Variants in AGPAT4 observed in about 807,000 individuals in gnomAD.
The protein encoded by AGPAT4 is 1-acyl-sn-glycerol-3-phosphate acyltransferase delta.
Under a neutral mutation model 48.0 loss-of-function variants are expected in AGPAT4, and 15 were observed. The ratio of observed to expected loss-of-function variants is 0.31; its 90% CI spans 0.21 to 0.48. The LOEUF is 0.48. AGPAT4 is among the 20% of genes least tolerant of loss of function. AGPAT4 has a pLI of 0.99. For missense variants in AGPAT4, 314 were observed against 482.5 expected (o/e 0.65, Z 3.27); for synonymous variants, 178 against 198.7 (o/e 0.90, Z 0.88).
rs71004032 is a variant in AGPAT4 at position 161,205,761 on chromosome 6, T to TAATAATAATAATAATAAC, written c.178+26274_178+26275insGTTATTATTATTATTATT. Among the ~76,000 whole-genome samples, 749 of 149,104 alleles carry TAATAATAATAATAATAAC rather than the reference T, an allele frequency of 5.0e-3. 9 individuals carry two copies. Among genetic ancestry groups the TAATAATAATAATAATAAC allele is most frequent in the African/African-American group, 0.017 (692 of 40,252 alleles). On this transcript the variant is annotated intron_variant, in intron 2 of 8. Transcript: ENST00000320285. ...ACAATAATAATAATAATAATAATAATAACAACAAACATGCCAACATAAAAC... is the reference window on the plus strand; with the variant it reads ...ACAATAATAATAATAATAATAATAATAATAATAATAATAATAACAACAACAAACATGCCAACATAAAAC...
chr6:161,172,001 T>C (rs1393229020), intron 2 of AGPAT4, among the ~76,000 whole-genome samples: 4 of 152,196 alleles, frequency 2.6e-5, no homozygotes, highest in African/African-American at 7.2e-5. Flanking sequence ...CCTTCTTGTC[T>C]AGGCATCCAA....
rs1014850348 is a variant in AGPAT4 at position 161,135,446 on chromosome 6, A to C, written c.*1094T>G. On this transcript the variant is annotated 3_prime_UTR_variant, in exon 9 of 9. Transcript: ENST00000320285. ...GCCGCTGGAGATGCTACAGGGCAGA[A>C]CTATTCCGTGGAGTAAAATGGGAGC... 6.6e-6 allele frequency: 1 copy of C among 152,244 alleles called. No individual in the cohort carries two copies. The highest frequency in any genetic ancestry group is 1.5e-5 in the Non-Finnish European group (1 of 68,052). 9.4% of individuals were successfully genotyped at this position (152,244 alleles called of 1,614,324 possible).
Position 161,159,003 on chromosome 6 carries a change from T to C in AGPAT4, c.349-4693A>G, listed in dbSNP as rs571138621. Among the ~76,000 whole-genome samples, 2 of 152,354 alleles carry C rather than the reference T, an allele frequency of 1.3e-5. No individual in the cohort carries two copies. The highest frequency in any genetic ancestry group is 1.3e-4 in the Admixed American group (2 of 15,302). Reference sequence around the variant, plus strand: ...GTCAAGTGAGCCAAGGTCATTTATTTCTACTAAATATATAAAATGAGGTAT... The same window carrying C: ...GTCAAGTGAGCCAAGGTCATTTATTCCTACTAAATATATAAAATGAGGTAT... On this transcript the variant is annotated intron_variant, in intron 3 of 8. Coordinates refer to ENST00000320285, the MANE Select transcript of AGPAT4 (RefSeq NM_020133.3). The surrounding 1 kb of genome is among the most constrained non-coding windows in gnomAD (Gnocchi z 4.1).
At position 161,226,383 on chromosome 6, in the gene AGPAT4, T is replaced by C. The variant is rs1781982431; in HGVS notation, c.178+5653A>G. On this transcript the variant is annotated intron_variant, in intron 2 of 8. Coordinates refer to ENST00000320285, the MANE Select transcript of AGPAT4 (RefSeq NM_020133.3). This position sits in a 1 kb window ranked among gnomAD's most constrained non-coding sequence, Gnocchi z 6.3. ...ATTAATCAGGCAGGGAGGAGAAGCA[T>C]AGAGGAAGCCGGCTGCAGAGTTAGC... Among the ~76,000 whole-genome samples, 2 of 152,092 alleles carry C rather than the reference T, an allele frequency of 1.3e-5. No individual in the cohort carries two copies. The highest frequency in any genetic ancestry group is 2.1e-4 in the South Asian group (1 of 4,828).
rs141440075 is a variant in AGPAT4 at position 161,163,347 on chromosome 6, G to A, written c.348+2901C>T. Among the ~76,000 whole-genome samples, 8 of 152,098 alleles carry A rather than the reference G, an allele frequency of 5.3e-5. No homozygotes were observed. In the East Asian group the frequency reaches 1.2e-3, roughly 22 times the overall value. On this transcript the variant is annotated intron_variant, in intron 3 of 8. Coordinates refer to ENST00000320285, the MANE Select transcript of AGPAT4 (RefSeq NM_020133.3). ...AAGCAAATTCCACAGACTCCAGAAG[G>A]ATCCCAACATCATGTGTTATTTAAG...
intron 2 of AGPAT4, among the ~76,000 whole-genome samples, chr6:161,194,200 T>C (rs926966639): frequency 1.3e-5 from 2 of 152,260 alleles, no homozygotes; most frequent in African/African-American, 4.8e-5. Flanking sequence ...CATTTTGAAC[T>C]GGTAATATTT....
chr6:161,269,556 G>A (rs552895777), intron 1 of AGPAT4, among the ~76,000 whole-genome samples: 1 of 152,250 alleles, frequency 6.6e-6, no homozygotes, highest in Admixed American at 6.5e-5. Context: ...TGAGGCAGGA[G>A]GATGCTTGAG....
At position 161,273,026 on chromosome 6, in the gene AGPAT4, T is replaced by C. The variant is rs1457087778; in HGVS notation, c.-90+912A>G. ...AAATATTTAAGCTTTTAGGCAAACC[T>C]GGGCAGGCAATATCACATTTATCAG... On this transcript the variant is annotated intron_variant, in intron 1 of 8. Coordinates refer to ENST00000320285, the MANE Select transcript of AGPAT4 (RefSeq NM_020133.3). Among the ~76,000 whole-genome samples, 3 of 152,240 alleles carry C rather than the reference T, an allele frequency of 2.0e-5. No homozygotes were observed. In the East Asian group the frequency reaches 5.8e-4, roughly 29 times the overall value.
rs191247070 is a variant in AGPAT4 at position 161,243,956 on chromosome 6, T to A, written c.-89-11654A>T. Among the ~76,000 whole-genome samples, 8 of 152,338 alleles carry A rather than the reference T, an allele frequency of 5.3e-5. No homozygotes were observed. The highest frequency in any genetic ancestry group is 1.7e-4 in the African/African-American group (7 of 41,580). On this transcript the variant is annotated intron_variant, in intron 1 of 8. Coordinates refer to ENST00000320285, the MANE Select transcript of AGPAT4 (RefSeq NM_020133.3). This position sits in a 1 kb window ranked among gnomAD's most constrained non-coding sequence, Gnocchi z 4.8. ...TTATTCCCAGCCCAGAGGAAGGCAGTTCAAAGTCATTGGTTTTGAGGCTCT... is the reference window on the plus strand; with the variant it reads ...TTATTCCCAGCCCAGAGGAAGGCAGATCAAAGTCATTGGTTTTGAGGCTCT...
rs1779508669 is a variant in AGPAT4 at position 161,148,785 on chromosome 6, T to C, written c.767+402A>G. Among the ~76,000 whole-genome samples, 2 of 152,280 alleles carry C rather than the reference T, an allele frequency of 1.3e-5. No homozygotes were observed. Among genetic ancestry groups the C allele is most frequent in the South Asian group, 4.2e-4 (2 of 4,816 alleles). On this transcript the variant is annotated intron_variant, in intron 6 of 8. Transcript: ENST00000320285. The surrounding 1 kb of genome is among the most constrained non-coding windows in gnomAD (Gnocchi z 5.5). ...CATTAATAGCCTGGAACATAACACATAAGTGAGACACTGCAAGAGTTCTGC... is the reference window on the plus strand; with the variant it reads ...CATTAATAGCCTGGAACATAACACACAAGTGAGACACTGCAAGAGTTCTGC...
chr6:161,167,602 A>C (rs1387338324), intron 2 of AGPAT4, among the ~76,000 whole-genome samples: 1 of 151,940 alleles, frequency 6.6e-6, no homozygotes, highest in Non-Finnish European at 1.5e-5. Flanking sequence ...CCCCATCCCT[A>C]CCCTACAGGC....
intron 2 of AGPAT4, among the ~76,000 whole-genome samples, chr6:161,207,443 C>T (rs368099193): frequency 6.6e-6 from 1 of 152,138 alleles, no homozygotes; most frequent in Non-Finnish European, 1.5e-5. Context: ...TGTGAAGATG[C>T]TATAAAGCTG....
rs1384737628 is a variant in AGPAT4 at position 161,255,660 on chromosome 6, T to C, written c.-90+18278A>G. Among the ~76,000 whole-genome samples, 1 of 151,790 alleles carries C rather than the reference T, an allele frequency of 6.6e-6. No individual in the cohort carries two copies. Among genetic ancestry groups the C allele is most frequent in the Non-Finnish European group, 1.5e-5 (1 of 67,988 alleles). Reference sequence around the variant, plus strand: ...GGTACGATTCGGTTTATATGAAAGGTTCGGACTAGGCCAATGCATGGAGAC... The same window carrying C: ...GGTACGATTCGGTTTATATGAAAGGCTCGGACTAGGCCAATGCATGGAGAC... On this transcript the variant is annotated intron_variant, in intron 1 of 8. Coordinates refer to ENST00000320285, the MANE Select transcript of AGPAT4 (RefSeq NM_020133.3). The surrounding 1 kb of genome is among the most constrained non-coding windows in gnomAD (Gnocchi z 4.7).
At chr6:161,168,562 C>T (rs556940802) in intron 2 of AGPAT4, among the ~76,000 whole-genome samples, 1 of 152,162 alleles carries the variant, frequency 6.6e-6, no homozygotes, top group East Asian at 1.9e-4. Context: ...GTTTGGTTCA[C>T]CCCGACCTTA....
intron 2 of AGPAT4, among the ~76,000 whole-genome samples, chr6:161,209,065 G>C (rs367798954): frequency 6.6e-6 from 1 of 152,190 alleles, no homozygotes; most frequent in Non-Finnish European, 1.5e-5. Context: ...AAGAAGTTGG[G>C]TTGCCCATAA....
chr6:161,175,089 G>T (rs1208067796), intron 2 of AGPAT4, among the ~76,000 whole-genome samples: 1 of 152,148 alleles, frequency 6.6e-6, no homozygotes, highest in Non-Finnish European at 1.5e-5. Flanking sequence ...TGTTCATCAG[G>T]GATATTGGTC....
In AGPAT4 at chr6:161,155,638, T is replaced by C. The variant is rs186587284; in HGVS notation, c.349-1328A>G. 1.4e-4 allele frequency among the ~76,000 whole-genome samples: 21 copies of C among 152,376 alleles called. No homozygotes were observed. The highest frequency in any genetic ancestry group is 4.6e-4 in the Admixed American group (7 of 15,314). On this transcript the variant is annotated intron_variant, in intron 3 of 8. Transcript: ENST00000320285. The surrounding 1 kb of genome is among the most constrained non-coding windows in gnomAD (Gnocchi z 5.8). ...TAGGTTTAGCATCTCCATTTTCTGA[T>C]GGAGTTTGTTTTTCACACAAATCCA...
chr6:161,255,033 A>T lies in AGPAT4; in HGVS notation c.-90+18905T>A, dbSNP rs1039775224. The stretch of plus-strand genomic sequence containing the variant: ...GGCCATTGCAGAGCCAGATACGGTT[A>T]CACAGCCCTTCTGAAGCAAAGATAC... On this transcript the variant is annotated intron_variant, in intron 1 of 8. Transcript: ENST00000320285. This position sits in a 1 kb window ranked among gnomAD's most constrained non-coding sequence, Gnocchi z 4.7. Among the ~76,000 whole-genome samples the T allele has an allele frequency of 6.6e-6, 1 of 152,186 alleles. No homozygotes were observed. The highest frequency in any genetic ancestry group is 1.5e-5 in the Non-Finnish European group (1 of 68,026).
Position 161,141,523 on chromosome 6 carries a change from G to C in AGPAT4, c.844-1903C>G, listed in dbSNP as rs1779249092. Among the ~76,000 whole-genome samples, 1 of 152,100 alleles carries C rather than the reference G, an allele frequency of 6.6e-6. No homozygotes were observed. The highest frequency in any genetic ancestry group is 6.6e-5 in the Admixed American group (1 of 15,262). ...AGAACGGGGTGATTTTCTTATCCCA[G>C]GTTGGGGCCACAGGGCACCTGATAA... On this transcript the variant is annotated intron_variant, in intron 7 of 8. Transcript: ENST00000320285. The surrounding 1 kb of genome is among the most constrained non-coding windows in gnomAD (Gnocchi z 6.7).
Sources: allele counts gnomAD v4.1 joint callset (sites outside exome capture counted in the v4.1 genomes callset), GRCh38; gene constraint gnomAD v4.1.1; non-coding constraint Gnocchi (gnomAD v3.1); transcripts MANE v1.5; gene names NCBI Gene and HGNC (gene_info 2026-07-23, HGNC 2026-07-21).